Variants in ACTR3C observed in about 807,000 individuals in gnomAD.
ACTR3C encodes the protein actin related protein 3C, also known as actin-related protein 3C.
ACTR3C carries 18 observed loss-of-function variants against 26.3 expected under a neutral mutation model. That is an observed-to-expected ratio of 0.68 (90% confidence interval 0.47 to 1.01). The LOEUF (loss-of-function observed/expected upper bound fraction) is 1.01. Among genes scored for constraint, ACTR3C ranks in the 50% least tolerant of loss-of-function variants. The pLI, the probability that ACTR3C is intolerant of heterozygous loss-of-function variation, is 0.00. For synonymous variants in ACTR3C, 55 were observed against 94.5 expected (o/e 0.58, Z 2.42); for missense variants, 184 against 250.7 (o/e 0.73, Z 1.80).
chr7:150,312,769 C>T (rs1796439068), intron 1 of ACTR3C, among the ~76,000 whole-genome samples: 1 of 152,188 alleles, frequency 6.6e-6, no homozygotes, highest in Non-Finnish European at 1.5e-5. Flanking sequence ...CCGATATTTT[C>T]TTCATCTTTT....
chr7:150,060,499 C>A, the ACTR3C span, among the ~76,000 whole-genome samples: 1 of 152,244 alleles, frequency 6.6e-6, no homozygotes, highest in African/African-American at 2.4e-5. Flanking sequence ...CTTTGCAAAA[C>A]AACTGGTAGA....
chr7:150,317,655 A>G (rs185324452), intron 1 of ACTR3C, among the ~76,000 whole-genome samples: 1 of 152,316 alleles, frequency 6.6e-6, no homozygotes, highest in African/African-American at 2.4e-5. Context: ...CTTGAATTCA[A>G]CAGGAATACA....
chr7:150,275,305 G>C (rs560826453), intron 6 of ACTR3C, among the ~76,000 whole-genome samples: 2 of 152,298 alleles, frequency 1.3e-5, no homozygotes, highest in South Asian at 4.1e-4. Flanking sequence ...TTAAGAAAGG[G>C]CTCACAACAT....
the ACTR3C span, among the ~76,000 whole-genome samples, chr7:149,934,502 C>A: frequency 1.3e-5 from 2 of 152,074 alleles, no homozygotes; most frequent in African/African-American, 4.8e-5. Flanking sequence ...CTTTTGTAAC[C>A]CTTAAGTGTA....
rs1315651494 is a variant in ACTR3C, at chr7:150,272,595, A to G, written c.564+12158T>C. Among the ~76,000 whole-genome samples, 6 of 139,086 alleles carry G rather than the reference A, an allele frequency of 4.3e-5. 1 individual carries two copies. Among genetic ancestry groups the G allele is most frequent in the African/African-American group, 1.5e-4 (5 of 32,632 alleles). 91.2% of individuals were successfully genotyped at this position (139,086 alleles called of 152,430 possible). A position where few individuals can be genotyped will look rare whatever the true frequency, so the allele number is the denominator to read the frequency against. On this transcript the variant is annotated intron_variant, in intron 6 of 7. Transcript: ENST00000683684. The stretch of plus-strand genomic sequence containing the variant: ...CCAATAAATGTATTCTTTCCATCTC[A>G]TCTCAAAGTAAAGCAACAGTGCTTA...
intron 6 of ACTR3C, among the ~76,000 whole-genome samples, chr7:150,267,266 C>T (rs1394881535): frequency 6.6e-6 from 1 of 152,248 alleles, no homozygotes; most frequent in Admixed American, 6.5e-5. Flanking sequence ...TCACGCTCCA[C>T]GGTGTCAGTT....
the ACTR3C span, among the ~76,000 whole-genome samples, chr7:150,057,733 A>G: frequency 2.6e-5 from 4 of 152,372 alleles, no homozygotes; most frequent in East Asian, 7.7e-4. Context: ...AACAGTCTTC[A>G]TGATGTTTTT....
chr7:150,210,955 A>T, the ACTR3C span, among the ~76,000 whole-genome samples: 2 of 148,972 alleles, frequency 1.3e-5, no homozygotes, highest in African/African-American at 2.6e-5. Context: ...AGAACAAAAG[A>T]GGTAATAATC....
At chr7:149,899,139 C>G in the ACTR3C span, among the ~76,000 whole-genome samples, 4 of 151,568 alleles carry the variant, frequency 2.6e-5, no homozygotes, top group Admixed American at 1.3e-4. Flanking sequence ...TGCTAAAACA[C>G]AAAATTAAAA....
chr7:150,182,365 G>A, the ACTR3C span, among the ~76,000 whole-genome samples: 22 of 150,752 alleles, frequency 1.5e-4, no homozygotes, highest in Admixed American at 1.4e-3. Context: ...CAATAATTAA[G>A]GGTGCTTATT....
At chr7:150,170,388 C>T in the ACTR3C span, among the ~76,000 whole-genome samples, 1 of 150,618 alleles carries the variant, frequency 6.6e-6, no homozygotes, top group Admixed American at 6.6e-5. Flanking sequence ...AGTCCACACT[C>T]AGGTTGAGGA....
the ACTR3C span, among the ~76,000 whole-genome samples, chr7:150,018,299 C>G: frequency 6.8e-6 from 1 of 146,324 alleles, no homozygotes; most frequent in Non-Finnish European, 1.5e-5. Flanking sequence ...CCACCTCGGC[C>G]TCCCAAAGTG....
chr7:150,264,409 G>A (rs1755089290), intron 6 of ACTR3C, among the ~76,000 whole-genome samples: 2 of 152,206 alleles, frequency 1.3e-5, no homozygotes, highest in South Asian at 4.1e-4. Flanking sequence ...GGGATGGCCT[G>A]TGCCATCAAG....
At chr7:149,962,710 C>T in the ACTR3C span, among the ~76,000 whole-genome samples, 7 of 152,152 alleles carry the variant, frequency 4.6e-5, no homozygotes, top group South Asian at 8.3e-4. Context: ...AATTCCTCAT[C>T]CTGGTGTTTG....
chr7:150,211,796 G>A, the ACTR3C span, among the ~76,000 whole-genome samples: 2 of 151,308 alleles, frequency 1.3e-5, no homozygotes, highest in South Asian at 2.1e-4. Flanking sequence ...TAAACCATCC[G>A]CCACTGGATG....
intron 1 of ACTR3C, among the ~76,000 whole-genome samples, chr7:150,298,748 C>A (rs1795155260): frequency 6.9e-6 from 1 of 145,416 alleles, no homozygotes; most frequent in African/African-American, 2.6e-5. Context: ...GTTAAGAGAC[C>A]CAACTAAAAC....
the ACTR3C span, among the ~76,000 whole-genome samples, chr7:149,984,469 A>G: frequency 6.6e-6 from 1 of 151,626 alleles, no homozygotes; most frequent in African/African-American, 2.4e-5. Flanking sequence ...CTCCCAAAAT[A>G]CTGGGATTAA....
At chr7:150,127,638 A>G in the ACTR3C span, among the ~76,000 whole-genome samples, 1 of 152,168 alleles carries the variant, frequency 6.6e-6, no homozygotes, top group Non-Finnish European at 1.5e-5. Context: ...AACAACTAGA[A>G]AGCAGAAAAA....
chr7:150,180,527 TTC>T, the ACTR3C span, among the ~76,000 whole-genome samples: 2 of 146,034 alleles, frequency 1.4e-5, no homozygotes, highest in African/African-American at 2.7e-5. Flanking sequence ...TTTTTTTTTT[TTC>T]TGAGAGGGAG....
Sources: allele counts gnomAD v4.1 joint callset (sites outside exome capture counted in the v4.1 genomes callset), GRCh38; gene constraint gnomAD v4.1.1; transcripts MANE v1.5; gene names NCBI Gene and HGNC (gene_info 2026-07-23, HGNC 2026-07-21).